PGM3: variants seen among roughly 807,000 people sequenced by gnomAD.
PGM3 encodes the protein phosphoglucomutase 3, also known as phosphoacetylglucosamine mutase.
In PGM3, 40 loss-of-function variants were observed where a neutral mutation model predicts 66.2. The observed-to-expected ratio is 0.60, with a 90% CI of 0.47 to 0.79. The LOEUF (loss-of-function observed/expected upper bound fraction) is 0.79. PGM3 is among the 30% of genes least tolerant of loss of function. PGM3 has a pLI of 0.00. For missense variants in PGM3, 537 were observed against 643.4 expected (o/e 0.83, Z 1.79); for synonymous variants, 191 against 224.2 (o/e 0.85, Z 1.32).
At chr6:83,188,581 GTT>G (rs35905342) in intron 3 of PGM3, 31 bp downstream of exon 3, 250 of 1,301,172 alleles carry the variant, frequency 1.9e-4, no homozygotes, top group African/African-American at 2.8e-4. Flanking sequence ...GTTCCCAAAG[GTT>G]TTTTTTTTTA....
At position 83,167,414 on chromosome 6, in the gene PGM3, G is replaced by A; in HGVS notation, c.*1820C>T. On this transcript the variant is annotated 3_prime_UTR_variant, in exon 13 of 13. Coordinates refer to ENST00000513973, the MANE Select transcript of PGM3 (RefSeq NM_015599.3). ...GCAAATTTAGGCCATTTAGATAAAA[G>A]GGAATTAACTAATTATAATAAAAGG... The A allele has an allele frequency of 1.0e-6, 1 of 981,108 alleles. No individual in the cohort carries two copies. The allele number at this position is 981,108 out of a possible 1,614,324, so 60.8% of individuals were successfully genotyped here. A position where few individuals can be genotyped will look rare whatever the true frequency, so the allele number is the denominator to read the frequency against.
chr6:83,174,614 C>CAGCCT (rs1787613180), intron 9 of PGM3, 127 bp from the exon 10 acceptor site: 3 of 540,030 alleles, frequency 5.6e-6, no homozygotes, highest in Admixed American at 8.1e-5. Flanking sequence ...AAAATAGTGG[C>CAGCCT]AGCCTTAAAA....
At chr6:83,171,096 T>C (rs1227966099) in intron 11 of PGM3, 1 of 152,356 alleles carries the variant, frequency 6.6e-6, no homozygotes, top group Non-Finnish European at 1.5e-5. Flanking sequence ...TCCTAGCACT[T>C]TGGGAGGCCA....
At chr6:83,189,987 A>C (rs1041689251) in intron 2 of PGM3, among the ~76,000 whole-genome samples, 2 of 152,160 alleles carry the variant, frequency 1.3e-5, no homozygotes, top group African/African-American at 4.8e-5. Context: ...GGGTAAGGGA[A>C]ATGGGGAGAT....
At position 83,167,480 on chromosome 6, in the gene PGM3, T is replaced by C; in HGVS notation, c.*1754A>G. The C allele has an allele frequency of 1.0e-6, 1 of 996,280 alleles. No individual in the cohort carries two copies. Among genetic ancestry groups the C allele is most frequent in the Non-Finnish European group, 1.2e-6 (1 of 837,094 alleles). 61.7% of individuals were successfully genotyped at this position (996,280 alleles called of 1,614,324 possible). ...TGTATAAAGCACTTTGTTCCTTTTTTCTGTAGTAATTTTGTGACCTAGTCC... is the reference window on the plus strand; with the variant it reads ...TGTATAAAGCACTTTGTTCCTTTTTCCTGTAGTAATTTTGTGACCTAGTCC... On this transcript the variant is annotated 3_prime_UTR_variant, in exon 13 of 13. Coordinates refer to ENST00000513973, the MANE Select transcript of PGM3 (RefSeq NM_015599.3).
chr6:83,180,631 T>G (rs1353738623), intron 6 of PGM3, among the ~76,000 whole-genome samples: 1 of 152,168 alleles, frequency 6.6e-6, no homozygotes, highest in Non-Finnish European at 1.5e-5. Context: ...TGATGCAAGC[T>G]TCAGGAAAGC....
chr6:83,184,708 GC>G (rs1207610578), intron 4 of PGM3, among the ~76,000 whole-genome samples: 12 of 152,144 alleles, frequency 7.9e-5, no homozygotes, highest in Admixed American at 7.2e-4. Context: ...TTCAAGAGCG[GC>G]CTAGCTGGTC....
chr6:83,182,324 T>G (rs1788233833), intron 5 of PGM3, among the ~76,000 whole-genome samples: 2 of 152,080 alleles, frequency 1.3e-5, no homozygotes, highest in East Asian at 3.9e-4. Context: ...GGCAGATTTG[T>G]TTTTTTTCTA....
At chr6:83,188,454 AC>A (rs1266557750) in intron 3 of PGM3, 159 bp downstream of exon 3, 1 of 594,528 alleles carries the variant, frequency 1.7e-6, no homozygotes, top group Admixed American at 3.0e-5. Context: ...TGCAGTAGTG[AC>A]TTAGCTACTA....
chr6:83,156,144 G>A, the PGM3 span: 2 of 1,539,564 alleles, frequency 1.3e-6, no homozygotes, highest in Non-Finnish European at 1.8e-6. Flanking sequence ...CTAACTACAG[G>A]TTTTTGGTTC....
chr6:83,168,547 C>T lies in PGM3; in HGVS notation c.*687G>A. The T allele has an allele frequency of 1.0e-6, 1 of 1,002,674 alleles. No homozygotes were observed. The highest frequency in any genetic ancestry group is 1.2e-6 in the Non-Finnish European group (1 of 841,076). The allele number at this position is 1,002,674 out of a possible 1,614,324, so 62.1% of individuals were successfully genotyped here. A position where few individuals can be genotyped will look rare whatever the true frequency, so the allele number is the denominator to read the frequency against. ...TTCCTTATTAACCATGTTCTGGTAT[C>T]AGAATGGTGTTCCTTCTCCATCAGA... On this transcript the variant is annotated 3_prime_UTR_variant, in exon 13 of 13. Coordinates refer to ENST00000513973, the MANE Select transcript of PGM3 (RefSeq NM_015599.3).
the PGM3 span, chr6:83,155,847 C>G: frequency 7.3e-7 from 1 of 1,360,880 alleles, no homozygotes; most frequent in Non-Finnish European, 9.9e-7. Context: ...ACCCCAAGCT[C>G]CTCTCAGTTT....
In PGM3 at chr6:83,167,685, T is replaced by C; in HGVS notation, c.*1549A>G. ...GTTAGACTGCTCCATGTAAAACTAATAAATGGCAGTAAAAGGTCTCAGAAG... is the reference window on the plus strand; with the variant it reads ...GTTAGACTGCTCCATGTAAAACTAACAAATGGCAGTAAAAGGTCTCAGAAG... On this transcript the variant is annotated 3_prime_UTR_variant, in exon 13 of 13. Coordinates refer to ENST00000513973, the MANE Select transcript of PGM3 (RefSeq NM_015599.3). 7.2e-7 allele frequency: 1 copy of C among 1,380,778 alleles called. No homozygotes were observed. Among genetic ancestry groups the C allele is most frequent in the Admixed American group, 3.3e-5 (1 of 30,220 alleles). 85.5% of individuals were successfully genotyped at this position (1,380,778 alleles called of 1,614,324 possible). A position where few individuals can be genotyped will look rare whatever the true frequency, so the allele number is the denominator to read the frequency against.
At chr6:83,191,595 T>C (rs933828451) in intron 1 of PGM3, among the ~76,000 whole-genome samples, 1 of 152,224 alleles carries the variant, frequency 6.6e-6, no homozygotes, top group Non-Finnish European at 1.5e-5. Context: ...CAGATCTTTT[T>C]CCATTTGCTA....
At chr6:83,152,227 CACACAT>C in the PGM3 span, 3 of 945,304 alleles carry the variant, frequency 3.2e-6, no homozygotes, top group East Asian at 2.8e-5. Context: ...CACACACACA[CACACAT>C]AAAATTTATT....
At chr6:83,174,963 C>A (rs1787645163) in intron 9 of PGM3, among the ~76,000 whole-genome samples, 1 of 152,164 alleles carries the variant, frequency 6.6e-6, no homozygotes, top group Admixed American at 6.5e-5. Flanking sequence ...CAAATAATGT[C>A]ATGGATAGTC....
chr6:83,182,843 A>G lies in PGM3; in HGVS notation c.591+2T>C. The G allele has an allele frequency of 6.2e-7, 1 of 1,613,020 alleles. No homozygotes were observed. Among genetic ancestry groups the G allele is most frequent in the Non-Finnish European group, 8.5e-7 (1 of 1,179,358 alleles). On this transcript the variant is annotated splice_donor_variant, in intron 5 of 12. Transcript: ENST00000513973. LOFTEE classifies it high-confidence loss of function. ...TTTAACCATGTTCAATAAACTTTTC[A>G]CCTGTTTGGTGAGTTCCACAAAAGC...
At chr6:83,192,442 C>T (rs1364897816) in intron 1 of PGM3, among the ~76,000 whole-genome samples, 1 of 152,142 alleles carries the variant, frequency 6.6e-6, no homozygotes. Flanking sequence ...AGGAGCAGTC[C>T]GCCAGCTGCT....
intron 11 of PGM3, chr6:83,171,206 G>C (rs1787023788): frequency 6.6e-6 from 1 of 151,800 alleles, no homozygotes; most frequent in Non-Finnish European, 1.5e-5. Context: ...ATTGGGAGGG[G>C]GTATGAAGAA....
Sources: gnomAD v4.1 joint callset for allele counts (sites outside exome capture counted in the v4.1 genomes callset) on GRCh38, gnomAD v4.1.1 for gene constraint, MANE v1.5 for transcripts, NCBI Gene and HGNC (gene_info 2026-07-23, HGNC 2026-07-21) for gene names.